The following DAB1 variants were observed in gnomAD, a reference collection of about 807,000 sequenced individuals.
The protein encoded by DAB1 is DAB adaptor protein 1.
Under a neutral mutation model 64.6 loss-of-function variants are expected in DAB1, and 15 were observed. That is an observed-to-expected ratio of 0.23 (90% CI 0.16 to 0.36). DAB1 has a LOEUF of 0.36. Ranked by LOEUF, DAB1 falls within the 10% of genes least tolerant of loss-of-function variation. The probability of loss-of-function intolerance (pLI) is 1.00; values close to 1 mark genes in which losing one functional copy is unlikely to be tolerated. For synonymous variants in DAB1, 235 were observed against 251.9 expected, an observed-to-expected ratio of 0.93 and a Z score of 0.64; for missense variants, 596 against 706.7, an observed-to-expected ratio of 0.84 and a Z score of 1.78.
intron 1 of DAB1, among the ~76,000 whole-genome samples, chr1:58,531,707 T>C (rs1018829632): frequency 1.8e-4 from 12 of 67,946 alleles, no homozygotes; most frequent in Non-Finnish European, 3.4e-4. Context: ...AAAACAATTA[T>C]GGATTTATCT....
At chr1:58,245,815 C>A (rs904564228) in intron 4 of DAB1, among the ~76,000 whole-genome samples, 14 of 152,130 alleles carry the variant, frequency 9.2e-5, no homozygotes, top group Non-Finnish European at 1.8e-4. Context: ...TAAAAATAAG[C>A]CCAACTACCT....
At chr1:57,523,704 T>C (rs1644557999) in intron 7 of DAB1, among the ~76,000 whole-genome samples, 1 of 152,100 alleles carries the variant, frequency 6.6e-6, no homozygotes, top group Non-Finnish European at 1.5e-5. Context: ...GGTGGATTAC[T>C]TGAGGCCTGG....
intron 6 of DAB1, among the ~76,000 whole-genome samples, chr1:57,794,083 G>T (rs1441787715): frequency 6.6e-6 from 1 of 152,144 alleles, no homozygotes; most frequent in African/African-American, 2.4e-5. Flanking sequence ...AATCCTAACT[G>T]TGCCTCAGAA....
intron 7 of DAB1, among the ~76,000 whole-genome samples, chr1:57,647,069 G>C (rs529262484): frequency 2.0e-5 from 3 of 152,148 alleles, no homozygotes; most frequent in Non-Finnish European, 2.9e-5. Context: ...ATTAATGACA[G>C]TACAAGCACC....
At chr1:58,349,070 TGA>T (rs1206681367) in intron 3 of DAB1, among the ~76,000 whole-genome samples, 1 of 152,186 alleles carries the variant, frequency 6.6e-6, no homozygotes, top group Non-Finnish European at 1.5e-5. Context: ...AAACTTACTC[TGA>T]CCCTATTCAG....
At chr1:57,136,956 T>G (rs1028043810) in intron 3 of DAB1, among the ~76,000 whole-genome samples, 1 of 152,218 alleles carries the variant, frequency 6.6e-6, no homozygotes, top group African/African-American at 2.4e-5. Flanking sequence ...CAATATGGTT[T>G]TCATATTAAT....
chr1:57,044,269 G>A (rs1648178529), intron 9 of DAB1, among the ~76,000 whole-genome samples: 1 of 152,202 alleles, frequency 6.6e-6, no homozygotes, highest in African/African-American at 2.4e-5. Flanking sequence ...GGTGACCTGG[G>A]TTGGGACTTG....
chr1:57,692,948 G>A (rs542042683), intron 6 of DAB1, among the ~76,000 whole-genome samples: 24 of 152,140 alleles, frequency 1.6e-4, no homozygotes, highest in South Asian at 1.0e-3. Flanking sequence ...TAGGCACCAT[G>A]GCTTCTCCCC....
At chr1:58,106,178 TTC>T (rs2100641950) in intron 5 of DAB1, among the ~76,000 whole-genome samples, 1 of 151,800 alleles carries the variant, frequency 6.6e-6, no homozygotes, top group African/African-American at 2.4e-5. Context: ...TTCTTCCTCT[TTC>T]TCTCTCTCTT....
chr1:57,785,003 G>A (rs1230476473), intron 6 of DAB1, among the ~76,000 whole-genome samples: 2 of 152,162 alleles, frequency 1.3e-5, no homozygotes, highest in Non-Finnish European at 2.9e-5. Context: ...TGAGGCTAAC[G>A]TAGCTGGAGA....
At chr1:58,134,089 T>G (rs548285149) in intron 5 of DAB1, among the ~76,000 whole-genome samples, 125 of 152,330 alleles carry the variant, frequency 8.2e-4, no homozygotes, top group Non-Finnish European at 1.4e-3. Context: ...AAATAAAGTA[T>G]TTTCTTAGTC....
chr1:57,923,855 T>G (rs1037221311), intron 5 of DAB1, among the ~76,000 whole-genome samples: 13 of 152,276 alleles, frequency 8.5e-5, no homozygotes, highest in African/African-American at 2.6e-4. Context: ...ATGAAGAAAG[T>G]GCAAACACAG....
intron 1 of DAB1, among the ~76,000 whole-genome samples, chr1:57,364,428 T>C (rs182398430): frequency 1.5e-4 from 23 of 152,218 alleles, no homozygotes; most frequent in Non-Finnish European, 2.6e-4. Context: ...GGCCCCACAT[T>C]ACCATTTACT....
chr1:57,904,411 C>A (rs1027465755), intron 5 of DAB1, among the ~76,000 whole-genome samples: 2 of 152,098 alleles, frequency 1.3e-5, no homozygotes, highest in African/African-American at 4.8e-5. Flanking sequence ...TGTTTAAGGT[C>A]CTGGGATCTG....
chr1:58,473,831 C>T (rs1229144432), intron 3 of DAB1: 4 of 589,328 alleles, frequency 6.8e-6, no homozygotes, highest in Non-Finnish European at 1.2e-5. Context: ...AGCACACTTC[C>T]CAAGACTGGT....
intron 7 of DAB1, among the ~76,000 whole-genome samples, chr1:57,459,518 C>T (rs1054608632): frequency 6.6e-6 from 1 of 152,030 alleles, no homozygotes; most frequent in African/African-American, 2.4e-5. Flanking sequence ...GGCCAGATTG[C>T]CCTCTGAAAT....
chr1:57,561,931 T>C (rs746328454), intron 7 of DAB1, among the ~76,000 whole-genome samples: 3 of 152,220 alleles, frequency 2.0e-5, no homozygotes, highest in Admixed American at 6.5e-5. Flanking sequence ...CTCACTGGAA[T>C]AGACACTTAC....
intron 2 of DAB1, among the ~76,000 whole-genome samples, chr1:57,263,218 C>T (rs939457462): frequency 5.9e-5 from 9 of 152,016 alleles, no homozygotes; most frequent in Middle Eastern, 3.4e-3. Flanking sequence ...TGGGTTCAAG[C>T]GATTCTCCTG....
At chr1:57,082,239 T>C (rs1652620571) in intron 4 of DAB1, among the ~76,000 whole-genome samples, 2 of 152,200 alleles carry the variant, frequency 1.3e-5, no homozygotes, top group Admixed American at 1.3e-4. Context: ...AGCATGTTCC[T>C]TTCTCTACCT....
Sources: allele counts gnomAD v4.1 joint callset (sites outside exome capture counted in the v4.1 genomes callset), GRCh38; gene constraint gnomAD v4.1.1; transcripts MANE v1.5; gene names NCBI Gene and HGNC (gene_info 2026-07-23, HGNC 2026-07-21).